KCNK13: variants seen among roughly 807,000 people sequenced by gnomAD.
KCNK13 encodes potassium two pore domain channel subfamily K member 13, also known as potassium channel subfamily K member 13.
In KCNK13, 12 loss-of-function variants were observed where a neutral mutation model predicts 23.4. That is an observed-to-expected ratio of 0.51 (90% CI 0.33 to 0.83). The LOEUF is 0.83. KCNK13 is among the 40% of genes least tolerant of loss of function. The probability of loss-of-function intolerance (pLI) is 0.02; values close to 1 mark genes in which losing one functional copy is unlikely to be tolerated. For synonymous variants in KCNK13, 231 were observed against 229.5 expected (o/e 1.01, Z -0.06); for missense variants, 463 against 556.3 (o/e 0.83, Z 1.69).
intron 1 of KCNK13, among the ~76,000 whole-genome samples, chr14:90,115,002 T>C (rs747339029): frequency 5.3e-5 from 8 of 152,152 alleles, no homozygotes; most frequent in Non-Finnish European, 1.5e-5. Flanking sequence ...CAAAACCAGC[T>C]CTCTTGTTTG....
intron 1 of KCNK13, among the ~76,000 whole-genome samples, chr14:90,161,368 A>G (rs954976205): frequency 7.9e-5 from 12 of 152,234 alleles, no homozygotes; most frequent in Non-Finnish European, 1.3e-4. Flanking sequence ...GGAGATGGCT[A>G]GTGGTGATTG....
chr14:90,081,889 G>A (rs1889217286), intron 1 of KCNK13, among the ~76,000 whole-genome samples: 1 of 152,116 alleles, frequency 6.6e-6, no homozygotes, highest in Non-Finnish European at 1.5e-5. Context: ...CTCAGGAATG[G>A]ATTAGTTCCA....
chr14:90,137,101 A>G (rs1394009862), intron 1 of KCNK13, among the ~76,000 whole-genome samples: 1 of 152,138 alleles, frequency 6.6e-6, no homozygotes, highest in Non-Finnish European at 1.5e-5. Context: ...CTCATTTAAA[A>G]ACAGCCAAAG....
intron 1 of KCNK13, among the ~76,000 whole-genome samples, chr14:90,087,137 TATATATATATATA>T (rs1197439834): frequency 1.3e-4 from 15 of 113,128 alleles, no homozygotes; most frequent in Middle Eastern, 7.9e-3. Flanking sequence ...TACATATATA[TATATATATATATA>T]TATATTTTTT....
chr14:90,171,005 G>T lies in KCNK13; in HGVS notation c.335-13106G>T, dbSNP rs571284069. On this transcript the variant is annotated intron_variant, in intron 1 of 1. Transcript: ENST00000282146. ...ACCAAAAGGCAGAGGCAGGTTTGCCGGACCCAGTTCCCAGCTTGACTTTTC... is the reference window on the plus strand; with the variant it reads ...ACCAAAAGGCAGAGGCAGGTTTGCCTGACCCAGTTCCCAGCTTGACTTTTC... Among the ~76,000 whole-genome samples the T allele has an allele frequency of 3.9e-5, 6 of 152,272 alleles. No homozygotes were observed. The South Asian group carries it at 1.2e-3, about 32-fold the overall frequency.
At chr14:90,083,207 G>A (rs1019870260) in intron 1 of KCNK13, among the ~76,000 whole-genome samples, 2 of 152,014 alleles carry the variant, frequency 1.3e-5, no homozygotes, top group African/African-American at 4.8e-5. Context: ...CCCTTCTGTG[G>A]GTGTCTTTTC....
intron 1 of KCNK13, among the ~76,000 whole-genome samples, chr14:90,080,550 A>G (rs1036641651): frequency 6.6e-6 from 1 of 152,184 alleles, no homozygotes; most frequent in Non-Finnish European, 1.5e-5. Flanking sequence ...GTCAAAAAAA[A>G]ATGTTTTATT....
intron 1 of KCNK13, among the ~76,000 whole-genome samples, chr14:90,080,584 T>A (rs1889196990): frequency 6.6e-6 from 1 of 152,178 alleles, no homozygotes; most frequent in South Asian, 2.1e-4. Flanking sequence ...GAGGATGGGA[T>A]CAGGAATAAC....
At chr14:90,101,644 G>T (rs1214537124) in intron 1 of KCNK13, among the ~76,000 whole-genome samples, 1 of 151,402 alleles carries the variant, frequency 6.6e-6, no homozygotes, top group Non-Finnish European at 1.5e-5. Flanking sequence ...AAAAAAATTA[G>T]CTAGGTGTGG....
intron 1 of KCNK13, among the ~76,000 whole-genome samples, chr14:90,082,104 C>T (rs894730725): frequency 1.3e-5 from 2 of 152,160 alleles, no homozygotes; most frequent in African/African-American, 4.8e-5. Context: ...CTTTGTTGCC[C>T]GAGCTGGAGT....
intron 1 of KCNK13, among the ~76,000 whole-genome samples, chr14:90,068,607 CA>C (rs988171382): frequency 6.6e-6 from 1 of 151,130 alleles, no homozygotes; most frequent in African/African-American, 2.4e-5. Context: ...CTGTCTCAAG[CA>C]AAAAAAAGAA....
intron 1 of KCNK13, among the ~76,000 whole-genome samples, chr14:90,111,574 G>A (rs909549512): frequency 5.3e-5 from 8 of 152,026 alleles, no homozygotes; most frequent in Non-Finnish European, 8.8e-5. Flanking sequence ...TGAAATGTTC[G>A]CTTTTGTTGT....
At chr14:90,133,324 C>T (rs1484256540) in intron 1 of KCNK13, among the ~76,000 whole-genome samples, 1 of 152,114 alleles carries the variant, frequency 6.6e-6, no homozygotes, top group East Asian at 1.9e-4. Flanking sequence ...GAAATGTCCA[C>T]AACGGATAAA....
At chr14:90,112,242 G>T (rs1262053147) in intron 1 of KCNK13, among the ~76,000 whole-genome samples, 1 of 152,208 alleles carries the variant, frequency 6.6e-6, no homozygotes, top group African/African-American at 2.4e-5. Flanking sequence ...CTGCTGACAT[G>T]CAGGGACTCC....
intron 1 of KCNK13, among the ~76,000 whole-genome samples, chr14:90,133,112 A>T (rs1295411424): frequency 6.6e-6 from 1 of 152,220 alleles, no homozygotes; most frequent in Non-Finnish European, 1.5e-5. Context: ...AAGAGATCTC[A>T]CATTAATGAG....
chr14:90,131,127 G>A (rs1445214790), intron 1 of KCNK13, among the ~76,000 whole-genome samples: 2 of 152,170 alleles, frequency 1.3e-5, no homozygotes, highest in Non-Finnish European at 2.9e-5. Flanking sequence ...TAAGTGTCAT[G>A]TCTCCTCTTT....
chr14:90,092,957 G>A (rs539465616), intron 1 of KCNK13, among the ~76,000 whole-genome samples: 2 of 149,064 alleles, frequency 1.3e-5, no homozygotes, highest in South Asian at 2.1e-4. Flanking sequence ...TCAGAAACAG[G>A]CGAGGGAGAC....
intron 1 of KCNK13, among the ~76,000 whole-genome samples, chr14:90,114,698 T>A (rs10133682): frequency 0.52 from 79,702 of 152,052 alleles, 21,427 homozygotes; most frequent in East Asian, 0.71. Flanking sequence ...TGTTCCATGC[T>A]TCTTTGTGTC....
At chr14:90,113,517 C>T (rs1025648195) in intron 1 of KCNK13, among the ~76,000 whole-genome samples, 2 of 152,054 alleles carry the variant, frequency 1.3e-5, no homozygotes, top group Admixed American at 1.3e-4. Flanking sequence ...AGAAAAAGGA[C>T]GTTGATGAAA....
Sources: allele counts gnomAD v4.1 joint callset (sites outside exome capture counted in the v4.1 genomes callset), GRCh38; gene constraint gnomAD v4.1.1; transcripts MANE v1.5; gene names NCBI Gene and HGNC (gene_info 2026-07-23, HGNC 2026-07-21).